The following SEM1 variants were observed in gnomAD, a reference collection of about 807,000 sequenced individuals.
The protein encoded by SEM1 is SEM1 26S proteasome subunit, also known as 26S proteasome complex subunit SEM1.
In SEM1, 3 loss-of-function variants were observed where a neutral mutation model predicts 12.7. That is an observed-to-expected ratio of 0.24 (90% CI 0.11 to 0.61). The LOEUF is 0.61. Ranked by LOEUF, SEM1 falls within the 20% of genes least tolerant of loss-of-function variation. The probability of loss-of-function intolerance (pLI) is 0.88; values close to 1 mark genes in which losing one functional copy is unlikely to be tolerated. For synonymous variants in SEM1, 30 were observed against 27.8 expected, an observed-to-expected ratio of 1.08 and a Z score of -0.25; for missense variants, 59 against 81.3, an observed-to-expected ratio of 0.73 and a Z score of 1.06.
At chr7:96,500,466 G>A (rs1292145850), upstream of SEM1, among the ~76,000 whole-genome samples, 2 of 152,022 alleles carry the variant, frequency 1.3e-5, no homozygotes, top group African/African-American at 4.8e-5. Flanking sequence ...ACTTCACTCA[G>A]GCCAGTCGTC....
chr7:96,594,923 T>C (rs1330808545), intron 2 of SEM1, among the ~76,000 whole-genome samples: 1 of 152,070 alleles, frequency 6.6e-6, no homozygotes, highest in African/African-American at 2.4e-5. Flanking sequence ...AAAGGAGTAG[T>C]TTATTAAGAA....
At chr7:96,664,533 G>A (rs1345839306) in intron 2 of SEM1, among the ~76,000 whole-genome samples, 1 of 152,164 alleles carries the variant, frequency 6.6e-6, no homozygotes, top group Admixed American at 6.5e-5. Context: ...AAGTACTTGG[G>A]TGATTAGTTT....
At chr7:96,583,188 T>G (rs1306158836) in intron 2 of SEM1, among the ~76,000 whole-genome samples, 2 of 150,622 alleles carry the variant, frequency 1.3e-5, no homozygotes, top group Non-Finnish European at 3.0e-5. Context: ...TTCTCGTTGG[T>G]TTCAAAGAAC....
chr7:96,707,936 G>T (rs1207092611), intron 1 of SEM1, among the ~76,000 whole-genome samples: 2 of 152,174 alleles, frequency 1.3e-5, no homozygotes, highest in Non-Finnish European at 2.9e-5. Context: ...ATAAAGTTTG[G>T]ATCAGGGAGT....
At chr7:96,575,911 C>G (rs1301585931) in intron 2 of SEM1, among the ~76,000 whole-genome samples, 2 of 152,166 alleles carry the variant, frequency 1.3e-5, no homozygotes, top group Non-Finnish European at 2.9e-5. Flanking sequence ...TTATTTTGAT[C>G]TACTTGAAGA....
chr7:96,567,597 T>C (rs1390308399), intron 2 of SEM1, among the ~76,000 whole-genome samples: 1 of 151,580 alleles, frequency 6.6e-6, no homozygotes, highest in Non-Finnish European at 1.5e-5. Context: ...GAAAATATTT[T>C]GAGTAGTTTC....
chr7:96,705,280 T>C (rs1790414986), intron 1 of SEM1, among the ~76,000 whole-genome samples: 1 of 150,912 alleles, frequency 6.6e-6, no homozygotes, highest in Admixed American at 6.6e-5. Flanking sequence ...ATACTTAGTA[T>C]AATATCACTC....
At chr7:96,575,248 G>T (rs984300150) in intron 2 of SEM1, among the ~76,000 whole-genome samples, 6 of 152,168 alleles carry the variant, frequency 3.9e-5, no homozygotes, top group Non-Finnish European at 7.3e-5. Context: ...GCTGAAGTTT[G>T]CTGGAGGTCC....
chr7:96,484,550 T>C (rs1053749427), intron 3 of SEM1, among the ~76,000 whole-genome samples: 5 of 152,210 alleles, frequency 3.3e-5, no homozygotes, highest in African/African-American at 9.6e-5. Context: ...GAATTATCTG[T>C]GTGTGTATAA....
At chr7:96,607,434 G>T (rs1325577123) in intron 2 of SEM1, among the ~76,000 whole-genome samples, 3 of 152,078 alleles carry the variant, frequency 2.0e-5, no homozygotes, top group Non-Finnish European at 4.4e-5. Flanking sequence ...TCAGAAAAAA[G>T]GAAATAGACT....
chr7:96,686,201 A>T (rs915292157), downstream of SEM1, among the ~76,000 whole-genome samples: 1 of 152,120 alleles, frequency 6.6e-6, no homozygotes, highest in Non-Finnish European at 1.5e-5. Flanking sequence ...AAATTGTAAA[A>T]TTTCAAATAA....
Position 96,555,323 on chromosome 7 carries a change from C to CATT in SEM1, c.171-48628_171-48626dup, listed in dbSNP as rs554665009. Among the ~76,000 whole-genome samples the CATT allele has an allele frequency of 2.7e-3, 403 of 151,768 alleles. 2 individuals are homozygous for CATT. The highest frequency in any genetic ancestry group is 9.6e-3 in the African/African-American group (398 of 41,394). On this transcript the variant is annotated intron_variant and NMD_transcript_variant, in intron 2 of 3. Coordinates refer to the SEM1 transcript ENST00000466986. The stretch of plus-strand genomic sequence containing the variant: ...GATCTTTCCTGCTTTCTCTTGTGGG[C>CATT]ATTTAGTGCTGTAAATTTCCCTCTA...
At chr7:96,584,150 T>C (rs1244635955) in intron 2 of SEM1, among the ~76,000 whole-genome samples, 3 of 152,212 alleles carry the variant, frequency 2.0e-5, no homozygotes, top group Non-Finnish European at 2.9e-5. Flanking sequence ...GGAGCTCTTT[T>C]TGGGTAGGCC....
chr7:96,595,680 A>T (rs1806975232), intron 2 of SEM1, among the ~76,000 whole-genome samples: 1 of 151,758 alleles, frequency 6.6e-6, no homozygotes, highest in African/African-American at 2.4e-5. Context: ...TTAGGGCCAG[A>T]TGTTTATAGA....
At chr7:96,651,407 G>A (rs897765149) in intron 2 of SEM1, among the ~76,000 whole-genome samples, 5 of 144,042 alleles carry the variant, frequency 3.5e-5, no homozygotes, top group African/African-American at 5.6e-5. Context: ...TGCAATTCAC[G>A]TTAGGTAGAC....
chr7:96,578,936 G>A (rs1806294807), intron 2 of SEM1, among the ~76,000 whole-genome samples: 1 of 152,120 alleles, frequency 6.6e-6, no homozygotes, highest in Admixed American at 6.6e-5. Context: ...GCAGTCACCA[G>A]CCTGCAGATC....
At chr7:96,588,908 G>A (rs996755659) in intron 2 of SEM1, among the ~76,000 whole-genome samples, 1 of 152,232 alleles carries the variant, frequency 6.6e-6, no homozygotes, top group Non-Finnish European at 1.5e-5. Context: ...ATGGGTATAT[G>A]TAAACCATTT....
chr7:96,487,036 T>C lies in SEM1; in HGVS notation c.13-619A>G, dbSNP rs528245867. 3.3e-5 allele frequency among the ~76,000 whole-genome samples: 5 copies of C among 152,114 alleles called. No homozygotes were observed. The East Asian group carries it at 9.7e-4, about 29-fold the overall frequency. On this transcript the variant is annotated intron_variant, in intron 1 of 3. Coordinates refer to the SEM1 transcript ENST00000356686. ...GCTTTTTGTCGTGTGCATGCAACTA[T>C]TTGAGGAAACGCTGGAGCTGGGAGA...
intron 2 of SEM1, among the ~76,000 whole-genome samples, chr7:96,629,885 T>C (rs1808192852): frequency 6.6e-6 from 1 of 152,214 alleles, no homozygotes; most frequent in Non-Finnish European, 1.5e-5. Flanking sequence ...TCCAGACTCA[T>C]AGAGGTACTG....
Sources: allele counts gnomAD v4.1 joint callset (sites outside exome capture counted in the v4.1 genomes callset), GRCh38; gene constraint gnomAD v4.1.1; transcripts MANE v1.5; gene names NCBI Gene and HGNC (gene_info 2026-07-23, HGNC 2026-07-21).